The following MYH13 variants were observed in gnomAD, a reference collection of about 807,000 sequenced individuals.
The protein encoded by MYH13 is myosin-13.
A neutral mutation model predicts 232.1 loss-of-function variants in MYH13; 177 were observed. The observed-to-expected ratio is 0.76, with a 90% CI of 0.67 to 0.86. The LOEUF is 0.86. Ranked by LOEUF, MYH13 falls within the 40% of genes least tolerant of loss-of-function variation. The pLI is 0.00. For missense variants in MYH13, 2,246 were observed against 2,405.9 expected (o/e 0.93, Z 1.39); for synonymous variants, 884 against 923.5 (o/e 0.96, Z 0.78).
intron 18 of MYH13, among the ~76,000 whole-genome samples, chr17:10,336,650 G>T (rs1026657757): frequency 2.0e-5 from 3 of 152,086 alleles, no homozygotes; most frequent in African/African-American, 7.2e-5. Context: ...TTACACTCTG[G>T]GCCAATACTT....
intron 27 of MYH13, among the ~76,000 whole-genome samples, chr17:10,316,452 A>T (rs776818325): frequency 2.6e-4 from 38 of 148,640 alleles, no homozygotes; most frequent in Non-Finnish European, 8.9e-5. Flanking sequence ...CAAGAGTGAA[A>T]CTCCGTCTCA....
Position 10,327,914 on chromosome 17 carries a change from C to G in MYH13, c.2643G>C (p.Met881Ile). Residue 881 changes from methionine (M) to isoleucine (I), a missense_variant, in exon 22 of 41, where the codon ATG becomes ATC. Met to Ile is a conservative substitution (Grantham distance 10). Transcript: ENST00000252172. The part of the protein sequence containing the change: ...EARRKELEEK[M>I]VSLLQEKNDL... ...CATTCTTCTCCTGCAGGAGGGAGAC[C>G]ATTTTCTCCTCCAGCTCCTTCCGGC... is the stretch of plus-strand genomic sequence containing the variant. 2 of 1,613,778 alleles carry G rather than the reference C, an allele frequency of 1.2e-6. No homozygotes were observed. Among genetic ancestry groups the G allele is most frequent in the Non-Finnish European group, 1.7e-6 (2 of 1,179,862 alleles).
At chr17:10,358,308 A>T (rs978698793) in intron 7 of MYH13, among the ~76,000 whole-genome samples, 3 of 152,146 alleles carry the variant, frequency 2.0e-5, no homozygotes, top group African/African-American at 7.2e-5. Context: ...AACTTATGAG[A>T]ATGATTATTC....
At chr17:10,335,913 T>C (rs1270267050) in intron 18 of MYH13, among the ~76,000 whole-genome samples, 1 of 152,134 alleles carries the variant, frequency 6.6e-6, no homozygotes, top group Non-Finnish European at 1.5e-5. Context: ...TTGAAGCTTC[T>C]AGAGCCAGAA....
rs1156404487 is a variant in MYH13 at position 10,324,072 on chromosome 17, C to T, written c.2884G>A (p.Glu962Lys). ...TTTTCAACTTTCGTCAAGGTCAGCT[C>T]CAGGTCATCAATGTCTCTCTTGAGA... The part of the protein sequence containing the change: ...SSLKRDIDDL[E>K]LTLTKVEKEK... The change falls in exon 23 of 41, where the codon GAG becomes AAG. Residue 962 changes from glutamate (E) to lysine (K), a missense_variant. Transcript: ENST00000252172. 6.2e-7 allele frequency: 1 copy of T among 1,613,912 alleles called. No homozygotes were observed. The highest frequency in any genetic ancestry group is 2.2e-5 in the East Asian group (1 of 44,870).
At chr17:10,325,149 A>G (rs1393058758) in intron 22 of MYH13, among the ~76,000 whole-genome samples, 3 of 151,884 alleles carry the variant, frequency 2.0e-5, no homozygotes, top group Non-Finnish European at 2.9e-5. Context: ...CAAACAGAGG[A>G]GTTTGTGAAA....
chr17:10,351,169 C>A (rs2071707569), intron 11 of MYH13, among the ~76,000 whole-genome samples: 1 of 138,984 alleles, frequency 7.2e-6, no homozygotes, highest in Non-Finnish European at 1.5e-5. Flanking sequence ...TGGAGTGAGC[C>A]AAGATTGTAC....
At chr17:10,324,594 G>A (rs928579202) in intron 22 of MYH13, among the ~76,000 whole-genome samples, 2 of 151,590 alleles carry the variant, frequency 1.3e-5, no homozygotes, top group Non-Finnish European at 2.9e-5. Context: ...ACAGGCATGT[G>A]CTACCATGCC....
Position 10,321,591 on chromosome 17 carries a change from C to T in MYH13, c.3052G>A (p.Glu1018Lys), listed in dbSNP as rs964726212. Reference sequence around the variant, plus strand: ...TTGATTAGACCATTGACTTTATCTTCTTCCACCTGAAGATCATCCAGTGTT... The same window carrying T: ...TTGATTAGACCATTGACTTTATCTTTTTCCACCTGAAGATCATCCAGTGTT... ...QQTLDDLQVEEDKVNGLIKIN... is the reference protein window; with the variant it reads ...QQTLDDLQVEKDKVNGLIKIN... The change falls in exon 24 of 41, where the codon GAA (glutamate) becomes AAA (lysine). Residue 1018 changes from glutamate (E) to lysine (K), a missense_variant. Transcript: ENST00000252172. The T allele has an allele frequency of 8.7e-6, 14 of 1,613,930 alleles. No homozygotes were observed. The highest frequency in any genetic ancestry group is 1.2e-5 in the Non-Finnish European group (14 of 1,179,848).
At chr17:10,346,826 T>C (rs1377658815) in intron 12 of MYH13, 28 bp from the exon 13 acceptor site, 3 of 1,560,920 alleles carry the variant, frequency 1.9e-6, no homozygotes, top group Admixed American at 3.4e-5. Flanking sequence ...AATGGCATCA[T>C]GCAAAAACAG....
rs199906172 is a variant in MYH13 at position 10,302,243 on chromosome 17, C to A, written c.5668-540G>T. On this transcript the variant is annotated intron_variant, in intron 39 of 40. Transcript: ENST00000252172. The stretch of plus-strand genomic sequence containing the variant: ...TATTGAACCAGTTCAAATCTGCTTC[C>A]CTGAGGTCAGGATTGAACCAACCAG... Among the ~76,000 whole-genome samples the A allele has an allele frequency of 2.6e-5, 4 of 152,242 alleles. No individual in the cohort carries two copies. In the East Asian group the frequency reaches 7.7e-4, roughly 29 times the overall value.
intron 26 of MYH13, among the ~76,000 whole-genome samples, chr17:10,319,899 A>T (rs2142231695): frequency 1.3e-5 from 2 of 152,316 alleles, no homozygotes; most frequent in Admixed American, 1.3e-4. Context: ...GGGCTTAGGG[A>T]TGGCGATCAA....
chr17:10,338,689 G>GTTTTTTTTTTTTTTTTTTTTTTT (rs757791680), intron 18 of MYH13, among the ~76,000 whole-genome samples: 6 of 108,816 alleles, frequency 5.5e-5, no homozygotes, highest in Non-Finnish European at 5.6e-5. Flanking sequence ...TTTTATCCTT[G>GTTTTTTTTTTTTTTTTTTTTTTT]TTTTTTTTTT....
At chr17:10,359,902 C>G in intron 7 of MYH13, 58 bp downstream of exon 7, 1 of 1,487,000 alleles carries the variant, frequency 6.7e-7, no homozygotes, top group Admixed American at 1.7e-5. Context: ...TGGTGCTCAT[C>G]CACGCTTTAA....
chr17:10,305,331 A>C (rs1906239043), intron 37 of MYH13, among the ~76,000 whole-genome samples: 1 of 152,200 alleles, frequency 6.6e-6, no homozygotes, highest in Non-Finnish European at 1.5e-5. Flanking sequence ...AACTCATTGT[A>C]GTGGAATAGG....
In MYH13 at chr17:10,362,341, G is replaced by A. The variant is rs1016249460; in HGVS notation, c.348+19C>T. Reference sequence around the variant, plus strand: ...CTCAGAGAGAGACATGAAATAAAAAGGTGTTTACAGACACTCACGTAGATC... The same window carrying A: ...CTCAGAGAGAGACATGAAATAAAAAAGTGTTTACAGACACTCACGTAGATC... On this transcript the variant is annotated intron_variant, in intron 4 of 40. Coordinates refer to ENST00000252172, the MANE Select transcript of MYH13 (RefSeq NM_003802.3). 17 of 1,613,914 alleles carry A rather than the reference G, an allele frequency of 1.1e-5. No individual in the cohort carries two copies. In the Admixed American group the frequency reaches 1.3e-4, roughly 13 times the overall value.
intron 16 of MYH13, among the ~76,000 whole-genome samples, chr17:10,341,818 A>C (rs1352038006): frequency 6.6e-6 from 1 of 152,220 alleles, no homozygotes; most frequent in African/African-American, 2.4e-5. Context: ...TCATCATTGA[A>C]GTTTACGCAT....
At chr17:10,349,691 G>C (rs2071694983) in intron 12 of MYH13, among the ~76,000 whole-genome samples, 1 of 151,990 alleles carries the variant, frequency 6.6e-6, no homozygotes, top group African/African-American at 2.4e-5. Flanking sequence ...AGTTGACTTT[G>C]AGTTAACAAA....
Position 10,303,335 on chromosome 17 carries a change from C to G in MYH13, c.5572-44G>C, listed in dbSNP as rs1253335311. ...TGGCAGGGGCCCGCAAACCTATGGT[C>G]ACTTCTGATGGGGCTTGGTCCATAC... On this transcript the variant is annotated intron_variant, in intron 38 of 40. Transcript: ENST00000252172. The G allele has an allele frequency of 1.9e-6, 3 of 1,612,564 alleles. No homozygotes were observed. The African/African-American group carries it at 4.0e-5, about 22-fold the overall frequency.
Sources: allele counts gnomAD v4.1 joint callset (sites outside exome capture counted in the v4.1 genomes callset), GRCh38; gene constraint gnomAD v4.1.1; transcripts MANE v1.5; gene names NCBI Gene and HGNC (gene_info 2026-07-23, HGNC 2026-07-21).